The following AGO3 variants were observed in gnomAD, a reference collection of about 807,000 sequenced individuals.
The protein encoded by AGO3 is protein argonaute-3.
Under a neutral mutation model 105.5 loss-of-function variants are expected in AGO3, and 16 were observed. The observed-to-expected ratio is 0.15, with a 90% CI of 0.10 to 0.23. AGO3 has a LOEUF of 0.23. Among genes scored for constraint, AGO3 ranks in the 10% least tolerant of loss-of-function variants. The pLI is 1.00. For missense variants in AGO3, 534 were observed against 1,088.0 expected (o/e 0.49, Z 7.16); for synonymous variants, 340 against 367.3 (o/e 0.93, Z 0.85).
chr1:35,995,212 ATATATAT>A (rs1557672245), intron 5 of AGO3, among the ~76,000 whole-genome samples: 11 of 106,562 alleles, frequency 1.0e-4, no homozygotes, highest in South Asian at 8.2e-4. Context: ...AAAAAAAAAT[ATATATAT>A]ATATATATAT....
intron 1 of AGO3, among the ~76,000 whole-genome samples, chr1:35,932,093 A>C (rs972080978): frequency 6.6e-6 from 1 of 152,128 alleles, no homozygotes; most frequent in Admixed American, 6.5e-5. Flanking sequence ...AGTAGTTGTC[A>C]TATTCCTGGA....
intron 10 of AGO3, 22 bp from the exon 11 acceptor site, chr1:36,013,893 T>G (rs773784130): frequency 6.2e-7 from 1 of 1,602,132 alleles, no homozygotes; most frequent in South Asian, 1.1e-5. Flanking sequence ...TTTCACCATG[T>G]TATTTTTTTC....
intron 11 of AGO3, among the ~76,000 whole-genome samples, chr1:36,021,180 C>T (rs1171588805): frequency 6.6e-6 from 1 of 152,142 alleles, no homozygotes; most frequent in Non-Finnish European, 1.5e-5. Context: ...GATCTGCCCA[C>T]CTCAGCCTCC....
At chr1:36,016,010 A>C (rs1640885130) in intron 11 of AGO3, among the ~76,000 whole-genome samples, 2 of 152,228 alleles carry the variant, frequency 1.3e-5, no homozygotes, top group Admixed American at 1.3e-4. Flanking sequence ...CAGAAAAAGG[A>C]AAGTGGCATA....
intron 1 of AGO3, among the ~76,000 whole-genome samples, chr1:35,938,520 T>C (rs1400383877): frequency 6.6e-6 from 1 of 152,220 alleles, no homozygotes; most frequent in Non-Finnish European, 1.5e-5. Flanking sequence ...CGTAAGTATC[T>C]TTCCCATATC....
At position 35,945,789 on chromosome 1, in the gene AGO3, T is replaced by A. The variant is rs1444164251; in HGVS notation, c.117T>A (p.Val39=). 6.2e-7 allele frequency: 1 copy of A among 1,613,816 alleles called. No individual in the cohort carries two copies. The highest frequency in any genetic ancestry group is 1.1e-5 in the South Asian group (1 of 91,078). Residue 39 remains valine, a synonymous_variant, in exon 2 of 19, where the codon GTT becomes GTA. Transcript: ENST00000373191. The part of the protein sequence containing the change: ...PIKLLANCFQ[V]EIPKIDVYLY... The stretch of plus-strand genomic sequence containing the variant: ...AACTGCTGGCTAACTGTTTTCAAGT[T>A]GAAATCCCAAAGATTGATGTCTACC...
rs569900696 is a variant in AGO3, at chr1:36,064,376, A to C, written c.*8631A>C. ...GCCTGGGCAACAAGAGTGAAACTCC[A>C]TCTCAGAAAATAAAAATAAAAATAA... On this transcript the variant is annotated 3_prime_UTR_variant, in exon 19 of 19. Coordinates refer to ENST00000373191, the MANE Select transcript of AGO3 (RefSeq NM_024852.4). 6.6e-6 allele frequency: 1 copy of C among 152,326 alleles called. No homozygotes were observed. The highest frequency in any genetic ancestry group is 1.9e-4 in the East Asian group (1 of 5,194). The allele number at this position is 152,326 out of a possible 1,614,324, so 9.4% of individuals were successfully genotyped here.
At chr1:36,052,830 G>A (rs1642771421) in intron 17 of AGO3, among the ~76,000 whole-genome samples, 1 of 152,066 alleles carries the variant, frequency 6.6e-6, no homozygotes. Context: ...TGGGCAACAT[G>A]GCAAAACCTC....
chr1:35,938,348 C>T lies in AGO3; in HGVS notation c.19+6903C>T, dbSNP rs78368317. Among the ~76,000 whole-genome samples, 1,254 of 152,130 alleles carry T rather than the reference C, an allele frequency of 8.2e-3. 26 individuals carry two copies. The highest frequency in any genetic ancestry group is 0.027 in the African/African-American group (1,130 of 41,490). Reference sequence around the variant, plus strand: ...CATGTTTATTACTTTAAAAAACAAACGATATAAGAATGTCTCAAATAGAAG... The same window carrying T: ...CATGTTTATTACTTTAAAAAACAAATGATATAAGAATGTCTCAAATAGAAG... On this transcript the variant is annotated intron_variant, in intron 1 of 18. Transcript: ENST00000373191.
intron 3 of AGO3, among the ~76,000 whole-genome samples, chr1:35,971,548 C>T (rs1646871361): frequency 6.6e-6 from 1 of 151,626 alleles, no homozygotes; most frequent in South Asian, 2.1e-4. Flanking sequence ...ATTGTTCTGT[C>T]CTTATTTTTT....
intron 11 of AGO3, among the ~76,000 whole-genome samples, chr1:36,014,847 C>G (rs139098687): frequency 6.6e-6 from 1 of 151,216 alleles, no homozygotes; most frequent in African/African-American, 2.4e-5. Context: ...TTGATTCATT[C>G]TATTAGACAT....
intron 17 of AGO3, among the ~76,000 whole-genome samples, chr1:36,053,709 GCTGGGA>G (rs1159419301): frequency 2.0e-5 from 3 of 149,400 alleles, no homozygotes; most frequent in African/African-American, 7.4e-5. Context: ...CTCCCACCTA[GCTGGGA>G]CTACAGGTCC....
At chr1:35,989,420 T>A (rs1157116073) in intron 5 of AGO3, among the ~76,000 whole-genome samples, 1 of 152,196 alleles carries the variant, frequency 6.6e-6, no homozygotes, top group Non-Finnish European at 1.5e-5. Context: ...TTTGTCACAG[T>A]TCAGTTGGCA....
chr1:36,039,726 A>G (rs985119091), intron 14 of AGO3, 64 bp from the exon 15 acceptor site: 5 of 1,080,714 alleles, frequency 4.6e-6, no homozygotes, highest in Admixed American at 7.5e-5. Context: ...AATGAAATTC[A>G]TGTAATTTTG....
rs1448243714 is a variant in AGO3 at position 36,069,126 on chromosome 1, C to T, written c.*13381C>T. ...TTGTTGGAGTTCTTTTGTTCTGAGTCAGGGTCTCACTCTGTTGCCCAGGCT... is the reference window on the plus strand; with the variant it reads ...TTGTTGGAGTTCTTTTGTTCTGAGTTAGGGTCTCACTCTGTTGCCCAGGCT... On this transcript the variant is annotated 3_prime_UTR_variant, in exon 19 of 19. Coordinates refer to ENST00000373191, the MANE Select transcript of AGO3 (RefSeq NM_024852.4). The T allele has an allele frequency of 6.6e-6, 1 of 152,256 alleles. No individual in the cohort carries two copies. The highest frequency in any genetic ancestry group is 1.5e-5 in the Non-Finnish European group (1 of 68,110). 9.4% of individuals were successfully genotyped at this position (152,256 alleles called of 1,614,324 possible). A position where few individuals can be genotyped will look rare whatever the true frequency, so the allele number is the denominator to read the frequency against.
intron 1 of AGO3, among the ~76,000 whole-genome samples, chr1:35,940,269 G>A (rs1317497828): frequency 1.3e-5 from 2 of 152,126 alleles, no homozygotes; most frequent in African/African-American, 4.8e-5. Flanking sequence ...GTTTCACCAT[G>A]TTGGCCAGGC....
At chr1:35,978,661 C>T (rs1646995784) in intron 5 of AGO3, among the ~76,000 whole-genome samples, 1 of 152,134 alleles carries the variant, frequency 6.6e-6, no homozygotes, top group African/African-American at 2.4e-5. Flanking sequence ...AGAGCAGCTT[C>T]CTGGGGATTC....
At chr1:35,940,011 A>T (rs929475390) in intron 1 of AGO3, among the ~76,000 whole-genome samples, 2 of 151,924 alleles carry the variant, frequency 1.3e-5, no homozygotes, top group Admixed American at 6.6e-5. Context: ...ATTTCTAATC[A>T]TTGTTCAAAT....
Position 36,055,164 on chromosome 1 carries a change from A to G in AGO3, c.2474+19A>G. The G allele has an allele frequency of 6.4e-7, 1 of 1,567,670 alleles. No individual in the cohort carries two copies. The highest frequency in any genetic ancestry group is 8.7e-7 in the Non-Finnish European group (1 of 1,154,652). ...ATGACAGGTAATATAAAAGCATAACAGGTTCTCACCCAAATCCCAATATTG... is the reference window on the plus strand; with the variant it reads ...ATGACAGGTAATATAAAAGCATAACGGGTTCTCACCCAAATCCCAATATTG... On this transcript the variant is annotated intron_variant, in intron 18 of 18. Transcript: ENST00000373191. This position sits in a 1 kb window ranked among gnomAD's most constrained non-coding sequence, Gnocchi z 4.4.
Sources: allele counts gnomAD v4.1 joint callset (sites outside exome capture counted in the v4.1 genomes callset), GRCh38; gene constraint gnomAD v4.1.1; non-coding constraint Gnocchi (gnomAD v3.1); transcripts MANE v1.5; gene names NCBI Gene and HGNC (gene_info 2026-07-23, HGNC 2026-07-21).